PRKCB: variants seen among roughly 807,000 people sequenced by gnomAD.
The protein encoded by PRKCB is protein kinase C beta, also known as protein kinase C beta type.
In PRKCB, 13 loss-of-function variants were observed where a neutral mutation model predicts 81.5. That is an observed-to-expected ratio of 0.16 (90% confidence interval 0.10 to 0.25). PRKCB has a LOEUF of 0.25. PRKCB is among the 10% of genes least tolerant of loss of function. PRKCB has a pLI of 1.00. For missense variants in PRKCB, 509 were observed against 875.7 expected, an observed-to-expected ratio of 0.58 and a Z score of 5.29; for synonymous variants, 335 against 321.4, an observed-to-expected ratio of 1.04 and a Z score of -0.45.
chr16:24,215,180 G>A lies in PRKCB; in HGVS notation c.*364G>A. ...CCAACCATCCAATCTGTGGATAATT[G>A]GATGTTAGCGGTACTCTTCCACTTC... On this transcript the variant is annotated 3_prime_UTR_variant, in exon 17 of 17. Transcript: ENST00000643927. The A allele has an allele frequency of 9.7e-7, 1 of 1,034,868 alleles. No homozygotes were observed. Among genetic ancestry groups the A allele is most frequent in the Non-Finnish European group, 1.2e-6 (1 of 859,306 alleles). The allele number at this position is 1,034,868 out of a possible 1,614,324, so 64.1% of individuals were successfully genotyped here.
intron 5 of PRKCB, among the ~76,000 whole-genome samples, chr16:24,085,579 G>A (rs1455559048): frequency 6.6e-6 from 1 of 152,126 alleles, no homozygotes; most frequent in Non-Finnish European, 1.5e-5. Flanking sequence ...CTAAATTGAG[G>A]TTGCTCTGGG....
chr16:23,837,543 C>T (rs1162648721), intron 2 of PRKCB, 137 bp downstream of exon 2: 1 of 1,090,878 alleles, frequency 9.2e-7, no homozygotes, highest in African/African-American at 1.6e-5. Flanking sequence ...GAATTCTTCA[C>T]CACAACAGGG....
At chr16:23,849,297 G>A (rs1006149965) in intron 2 of PRKCB, among the ~76,000 whole-genome samples, 5 of 152,128 alleles carry the variant, frequency 3.3e-5, no homozygotes, top group African/African-American at 7.2e-5. Flanking sequence ...ATCCCTTTTC[G>A]GTTGAAGAAG....
Position 24,159,417 on chromosome 16 carries a change from G to A in PRKCB, c.1239+4560G>A, listed in dbSNP as rs145497975. ...ATGATGATACAAACAAGAACAAAAA[G>A]CAGCAGCTAACAGTAATAGGTTGGG... On this transcript the variant is annotated intron_variant, in intron 10 of 16. Coordinates refer to ENST00000643927, the MANE Select transcript of PRKCB (RefSeq NM_002738.7). Among the ~76,000 whole-genome samples, 165 of 152,294 alleles carry A rather than the reference G, an allele frequency of 1.1e-3. 1 individual carries two copies. Among genetic ancestry groups the A allele is most frequent in the Non-Finnish European group, 7.1e-4 (48 of 68,030 alleles).
intron 16 of PRKCB, among the ~76,000 whole-genome samples, chr16:24,202,470 G>A (rs778552464): frequency 6.6e-6 from 1 of 152,048 alleles, no homozygotes; most frequent in Admixed American, 6.5e-5. Context: ...ATTATTAGGT[G>A]CTCTAATCCT....
Position 23,942,094 on chromosome 16 carries a change from A to T in PRKCB, c.206-46414A>T, listed in dbSNP as rs540599901. Among the ~76,000 whole-genome samples, 7 of 152,354 alleles carry T rather than the reference A, an allele frequency of 4.6e-5. No homozygotes were observed. The South Asian group carries it at 6.2e-4, about 14-fold the overall frequency. ...ACCAAAATCAATAACTTTCTTAGAG[A>T]GCATCTCTAACTTGGTGGATGACAT... On this transcript the variant is annotated intron_variant, in intron 2 of 16. Coordinates refer to ENST00000643927, the MANE Select transcript of PRKCB (RefSeq NM_002738.7).
At chr16:24,043,652 G>A (rs971053924) in intron 5 of PRKCB, among the ~76,000 whole-genome samples, 10 of 152,112 alleles carry the variant, frequency 6.6e-5, no homozygotes, top group Admixed American at 1.3e-4. Flanking sequence ...GGAAGCTGAC[G>A]TCTTGCTATT....
At chr16:24,100,372 G>C (rs1037643239) in intron 7 of PRKCB, among the ~76,000 whole-genome samples, 2 of 152,160 alleles carry the variant, frequency 1.3e-5, no homozygotes, top group African/African-American at 2.4e-5. Context: ...TAGCTTTGGG[G>C]CATCATTCTG....
intron 10 of PRKCB, among the ~76,000 whole-genome samples, chr16:24,156,628 A>G (rs1265994691): frequency 6.6e-6 from 1 of 152,198 alleles, no homozygotes; most frequent in African/African-American, 2.4e-5. Context: ...CAATAGAAAG[A>G]AAAATATTAA....
chr16:24,213,709 A>G (rs1444483076), intron 16 of PRKCB, among the ~76,000 whole-genome samples: 1 of 152,220 alleles, frequency 6.6e-6, no homozygotes, highest in East Asian at 1.9e-4. Flanking sequence ...TTTGCTGGCA[A>G]AGAACAAGGA....
intron 3 of PRKCB, among the ~76,000 whole-genome samples, chr16:24,013,664 A>G (rs1965235826): frequency 6.6e-6 from 1 of 151,954 alleles, no homozygotes; most frequent in African/African-American, 2.4e-5. Flanking sequence ...CCGTTGTTTG[A>G]TCACTCCACA....
At chr16:24,148,189 G>A (rs1174033655) in intron 9 of PRKCB, among the ~76,000 whole-genome samples, 1 of 152,164 alleles carries the variant, frequency 6.6e-6, no homozygotes, top group Non-Finnish European at 1.5e-5. Context: ...GCTGAAATAT[G>A]CCTCCTGTGT....
At chr16:24,026,039 G>A (rs1397342681) in intron 3 of PRKCB, among the ~76,000 whole-genome samples, 1 of 152,226 alleles carries the variant, frequency 6.6e-6, no homozygotes, top group Admixed American at 6.5e-5. Context: ...GTTCACACCT[G>A]TAATCCTAGT....
chr16:24,206,505 C>A (rs1968048061), intron 16 of PRKCB, among the ~76,000 whole-genome samples: 1 of 152,212 alleles, frequency 6.6e-6, no homozygotes, highest in South Asian at 2.1e-4. Flanking sequence ...GTCGGCTAGG[C>A]AACAGACAGC....
chr16:24,080,107 G>C (rs561847428), intron 5 of PRKCB, among the ~76,000 whole-genome samples: 183 of 152,222 alleles, frequency 1.2e-3, no homozygotes, highest in South Asian at 2.5e-3. Flanking sequence ...GATCACTTTG[G>C]TGGGGGAGTG....
rs1555491026 is a variant in PRKCB, at chr16:24,020,996, C to CTTTCT, written c.289-11137_289-11133dup. On this transcript the variant is annotated intron_variant, in intron 3 of 16. Coordinates refer to ENST00000643927, the MANE Select transcript of PRKCB (RefSeq NM_002738.7). Reference sequence around the variant, plus strand: ...TTTCTTTTTCTTTCTTTCTTTCTTTCTTTCTTTCTTTCTTTCTTTCTTTCT... The same window carrying CTTTCT: ...TTTCTTTTTCTTTCTTTCTTTCTTTCTTTCTTTTCTTTCTTTCTTTCTTTCTTTCT... Among the ~76,000 whole-genome samples the CTTTCT allele has an allele frequency of 4.5e-5, 6 of 132,624 alleles. No individual in the cohort carries two copies. In the East Asian group the frequency reaches 1.2e-3, roughly 25 times the overall value. 87.0% of individuals were successfully genotyped at this position (132,624 alleles called of 152,430 possible). A position where few individuals can be genotyped will look rare whatever the true frequency, so the allele number is the denominator to read the frequency against.
At position 23,838,725 on chromosome 16, in the gene PRKCB, T is replaced by C. The variant is rs573738608; in HGVS notation, c.205+1319T>C. ...GTGGCATCGTCAGTGGTGCAGAATG[T>C]TTGCTTGCTGGCAGCATGGCACTGT... On this transcript the variant is annotated intron_variant, in intron 2 of 16. Coordinates refer to ENST00000643927, the MANE Select transcript of PRKCB (RefSeq NM_002738.7). Among the ~76,000 whole-genome samples the C allele has an allele frequency of 6.6e-5, 10 of 152,342 alleles. No homozygotes were observed. The South Asian group carries it at 2.1e-3, about 32-fold the overall frequency.
At chr16:24,058,347 T>C (rs1259568508) in intron 5 of PRKCB, among the ~76,000 whole-genome samples, 1 of 152,166 alleles carries the variant, frequency 6.6e-6, no homozygotes, top group Non-Finnish European at 1.5e-5. Flanking sequence ...TATGCCACTT[T>C]GTGCTAGTGC....
rs928425853 is a variant in PRKCB, at chr16:23,855,211, G to A, written c.205+17805G>A. 2.0e-5 allele frequency among the ~76,000 whole-genome samples: 3 copies of A among 152,280 alleles called. No homozygotes were observed. The South Asian group carries it at 6.2e-4, about 32-fold the overall frequency. Reference sequence around the variant, plus strand: ...CGTGTGAGTGAGTTCTTGCAACACAGTGTGGTCAGTGTGATCACAGAGCTG... The same window carrying A: ...CGTGTGAGTGAGTTCTTGCAACACAATGTGGTCAGTGTGATCACAGAGCTG... On this transcript the variant is annotated intron_variant, in intron 2 of 16. Coordinates refer to ENST00000643927, the MANE Select transcript of PRKCB (RefSeq NM_002738.7).
Sources: gnomAD v4.1 joint callset for allele counts (sites outside exome capture counted in the v4.1 genomes callset) on GRCh38, gnomAD v4.1.1 for gene constraint, MANE v1.5 for transcripts, NCBI Gene and HGNC (gene_info 2026-07-23, HGNC 2026-07-21) for gene names.